Variants in NADK observed in about 807,000 individuals in gnomAD.
NADK encodes the protein NAD kinase, also known as poly(P)/ATP NAD kinase.
In NADK, 22 loss-of-function variants were observed where a neutral mutation model predicts 49.8. The ratio of observed to expected loss-of-function variants is 0.44; its 90% CI spans 0.32 to 0.63. The LOEUF (loss-of-function observed/expected upper bound fraction) is 0.63, where lower values mean the gene tolerates loss of function less well. Among genes scored for constraint, NADK ranks in the 30% least tolerant of loss-of-function variants. The pLI is 0.06. For synonymous variants in NADK, 268 were observed against 253.7 expected (o/e 1.06, Z -0.54); for missense variants, 438 against 609.4 (o/e 0.72, Z 2.96).
At chr1:1,764,516 C>T (rs1438311974) in intron 2 of NADK, among the ~76,000 whole-genome samples, 1 of 152,238 alleles carries the variant, frequency 6.6e-6, no homozygotes, top group Admixed American at 6.5e-5. Context: ...TCCACCAGCC[C>T]TGCTCACAGT....
chr1:1,759,082 G>A (rs749220908), intron 3 of NADK: 58 of 1,513,550 alleles, frequency 3.8e-5, no homozygotes, highest in Admixed American at 3.4e-4. Context: ...TGCTCTCCCC[G>A]CCAACAGTCA....
chr1:1,779,667 T>G (rs960823889), upstream of NADK, among the ~76,000 whole-genome samples: 4 of 148,686 alleles, frequency 2.7e-5, no homozygotes, highest in East Asian at 2.0e-4. Context: ...ATATATATAT[T>G]TGTGTGTGTG....
At chr1:1,755,299 T>TA in intron 7 of NADK, 75 bp downstream of exon 7, 1 of 1,044,648 alleles carries the variant, frequency 9.6e-7, no homozygotes, top group Non-Finnish European at 1.5e-6. Context: ...TAAATGAAAA[T>TA]AAACCCCCCG....
rs1400268007 is a variant in NADK, at chr1:1,770,840, G to C, written c.-40-5394C>G. On this transcript the variant is annotated intron_variant, in intron 1 of 11. Transcript: ENST00000341426. ...GGTGGGTGGGGATCACCTGAGGTCA[G>C]GAGTTTGTGACTAGCCTGACCAACA... Among the ~76,000 whole-genome samples, 5 of 151,904 alleles carry C rather than the reference G, an allele frequency of 3.3e-5. No individual in the cohort carries two copies. In the East Asian group the frequency reaches 9.6e-4, roughly 29 times the overall value.
chr1:1,759,634 G>A (rs568228177), intron 3 of NADK: 19 of 1,307,306 alleles, frequency 1.5e-5, no homozygotes, highest in Middle Eastern at 2.7e-4. Context: ...GATGGGAAGC[G>A]GGAGGTTATG....
chr1:1,763,163 G>A (rs936202247), intron 2 of NADK, among the ~76,000 whole-genome samples: 4 of 152,228 alleles, frequency 2.6e-5, no homozygotes, highest in African/African-American at 7.2e-5. Flanking sequence ...CAGTGGTCAC[G>A]GACTTGTTTA....
chr1:1,761,827 C>A, intron 3 of NADK, 125 bp downstream of exon 3: 1 of 821,768 alleles, frequency 1.2e-6, no homozygotes, highest in South Asian at 1.5e-5. Flanking sequence ...TTCCTCAACA[C>A]AGCGATCCCA....
intron 1 of NADK, among the ~76,000 whole-genome samples, chr1:1,777,903 C>G (rs1027742444): frequency 6.6e-6 from 1 of 152,196 alleles, no homozygotes; most frequent in Non-Finnish European, 1.5e-5. Context: ...TAGGTTTGGG[C>G]CCCTCTAAGC....
intron 3 of NADK, chr1:1,759,175 G>A (rs758834821): frequency 1.5e-5 from 23 of 1,567,210 alleles, no homozygotes; most frequent in East Asian, 4.8e-5. Context: ...CAGCGGCGTC[G>A]TACACCGGCC....
At chr1:1,772,942 G>C (rs574108115) in intron 1 of NADK, among the ~76,000 whole-genome samples, 5 of 151,466 alleles carry the variant, frequency 3.3e-5, no homozygotes, top group Non-Finnish European at 7.4e-5. Context: ...TCGGGAGGCT[G>C]AGGCAGGAGA....
intron 1 of NADK, among the ~76,000 whole-genome samples, chr1:1,772,160 A>ATT (rs111782958): frequency 1.5e-4 from 21 of 136,872 alleles, no homozygotes; most frequent in South Asian, 6.9e-4. Flanking sequence ...GGAACCCTGA[A>ATT]TTTTTTTTTT....
At chr1:1,757,109 G>A in intron 4 of NADK, 72 bp downstream of exon 4, 1 of 1,543,106 alleles carries the variant, frequency 6.5e-7, no homozygotes, top group Non-Finnish European at 8.8e-7. Context: ...GGTCTCACGG[G>A]GCGGTGATGT....
chr1:1,758,477 G>T (rs762833268), intron 3 of NADK: 1 of 1,612,316 alleles, frequency 6.2e-7, no homozygotes, highest in Admixed American at 1.7e-5. Flanking sequence ...GCTGGGAGCC[G>T]GCCAGTGTGT....
chr1:1,757,004 T>C, intron 4 of NADK, 177 bp downstream of exon 4: 2 of 1,046,314 alleles, frequency 1.9e-6, no homozygotes, highest in South Asian at 1.3e-5. Context: ...GTGCTTGCCA[T>C]GGCGGCACAC....
chr1:1,777,402 A>G (rs1014789609), intron 1 of NADK, among the ~76,000 whole-genome samples: 1 of 152,212 alleles, frequency 6.6e-6, no homozygotes. Flanking sequence ...GGAAAAAAAA[A>G]CTTATTAAGG....
Position 1,756,282 on chromosome 1 carries a change from C to T in NADK, c.561G>A (p.Leu187=). 6.2e-7 allele frequency: 1 copy of T among 1,614,142 alleles called. No individual in the cohort carries two copies. The highest frequency in any genetic ancestry group is 8.5e-7 in the Non-Finnish European group (1 of 1,180,006). Residue 187 remains leucine (L), a synonymous_variant, in exon 6 of 12, where the codon CTG becomes CTA. Coordinates refer to ENST00000341426, the MANE Select transcript of NADK (RefSeq NM_023018.5). ...FIICLGGDGT[L]LYASSLFQGS... ...CCTGGAAAAGCGAGGAAGCGTACAGCAGCGTCCCGTCTCCCCCCAGGCAGA... is the reference window on the plus strand; with the variant it reads ...CCTGGAAAAGCGAGGAAGCGTACAGTAGCGTCCCGTCTCCCCCCAGGCAGA...
At chr1:1,757,663 C>T (rs1048756019) in intron 3 of NADK, among the ~76,000 whole-genome samples, 1 of 152,184 alleles carries the variant, frequency 6.6e-6, no homozygotes, top group African/African-American at 2.4e-5. Context: ...GCAGAAATGA[C>T]CACGAAAGCC....
At position 1,776,948 on chromosome 1, in the gene NADK, CAG is replaced by C. The variant is rs1646230138; in HGVS notation, c.-41+1339_-41+1340del. 3.4e-5 allele frequency among the ~76,000 whole-genome samples: 5 copies of C among 146,786 alleles called. No homozygotes were observed. In the East Asian group the frequency reaches 6.1e-4, roughly 18 times the overall value. On this transcript the variant is annotated intron_variant, in intron 1 of 11. Coordinates refer to ENST00000341426, the MANE Select transcript of NADK (RefSeq NM_023018.5). ...TATAAATCAGCTAGGTGTGGTGGTG[CAG>C]GCCTGTAATCCCAGCTACTCAGGAG...
chr1:1,766,709 A>G (rs1451822641), intron 1 of NADK, among the ~76,000 whole-genome samples: 11 of 149,392 alleles, frequency 7.4e-5, no homozygotes, highest in Non-Finnish European at 8.9e-5. Flanking sequence ...TTTTTGAGAC[A>G]GGATCCCACC....
Sources: gnomAD v4.1 joint callset for allele counts (sites outside exome capture counted in the v4.1 genomes callset) on GRCh38, gnomAD v4.1.1 for gene constraint, MANE v1.5 for transcripts, NCBI Gene and HGNC (gene_info 2026-07-23, HGNC 2026-07-21) for gene names.